TRPM1: variants seen among roughly 807,000 people sequenced by gnomAD.
TRPM1 encodes TRPM1-203 APA Isoform, Intron 10.
TRPM1 carries 113 observed loss-of-function variants against 149.4 expected under a neutral mutation model. The ratio of observed to expected loss-of-function variants is 0.76; its 90% CI spans 0.65 to 0.88. The LOEUF (loss-of-function observed/expected upper bound fraction) is 0.88. TRPM1 is among the 40% of genes least tolerant of loss of function. The pLI, the probability that TRPM1 is intolerant of heterozygous loss-of-function variation, is 0.00. For synonymous variants in TRPM1, 741 were observed against 759.5 expected (o/e 0.98, Z 0.40); for missense variants, 1,976 against 2,038.7 (o/e 0.97, Z 0.59).
chr15:31,024,954 G>A (rs1275922218), intron 27 of TRPM1, among the ~76,000 whole-genome samples: 1 of 152,172 alleles, frequency 6.6e-6, no homozygotes, highest in South Asian at 2.1e-4. Flanking sequence ...AGGTGACTGG[G>A]TCTAGGAGGG....
chr15:31,095,769 C>T lies in TRPM1; in HGVS notation c.-84+5888G>A, dbSNP rs962708754. On this transcript the variant is annotated intron_variant, in intron 1 of 27. Transcript: ENST00000256552. ...ACATAAAGAAAAGCCAGGGGCCAGGCGCAGTGGCTCACACCTGTAATCCCA... is the reference window on the plus strand; with the variant it reads ...ACATAAAGAAAAGCCAGGGGCCAGGTGCAGTGGCTCACACCTGTAATCCCA... Among the ~76,000 whole-genome samples, 9 of 151,492 alleles carry T rather than the reference C, an allele frequency of 5.9e-5. No individual in the cohort carries two copies. The South Asian group carries it at 6.2e-4, about 11-fold the overall frequency.
chr15:31,073,281 T>C (rs1391889391), intron 3 of TRPM1, among the ~76,000 whole-genome samples: 1 of 152,194 alleles, frequency 6.6e-6, no homozygotes, highest in Non-Finnish European at 1.5e-5. Flanking sequence ...CCATTGAAAG[T>C]ACTTTTCACC....
chr15:31,074,399 C>A (rs2034639796), intron 3 of TRPM1, among the ~76,000 whole-genome samples: 1 of 152,070 alleles, frequency 6.6e-6, no homozygotes, highest in South Asian at 2.1e-4. Flanking sequence ...TCAGATTGTA[C>A]ATTTTTTCTT....
chr15:31,032,735 C>A lies in TRPM1; in HGVS notation c.2906G>T (p.Gly969Val). ...FWYIRVLDIF[G>V]VNKYLGPYVM... The stretch of plus-strand genomic sequence containing the variant: ...GTATGGCCCCAGATACTTGTTGACA[C>A]CAAAGATGTCCAGGACACGGATGTA... The change falls in exon 22 of 28, where the codon GGT becomes GTT. Residue 969 changes from glycine (G) to valine (V), a missense_variant. Gly to Val is a moderately radical substitution (Grantham distance 109). Transcript: ENST00000256552. 1 of 1,614,140 alleles carries A rather than the reference C, an allele frequency of 6.2e-7. No homozygotes were observed. The highest frequency in any genetic ancestry group is 1.1e-5 in the South Asian group (1 of 91,072).
intron 1 of TRPM1, among the ~76,000 whole-genome samples, chr15:31,090,806 C>G (rs932812075): frequency 1.3e-5 from 2 of 151,966 alleles, no homozygotes; most frequent in Admixed American, 6.6e-5. Context: ...GGAAGGAGAA[C>G]TTGGGCTTTA....
chr15:31,126,090 CCG>C (rs1297884533), intron 1 of TRPM1, among the ~76,000 whole-genome samples: 3 of 152,218 alleles, frequency 2.0e-5, no homozygotes, highest in African/African-American at 7.2e-5. Context: ...CAAGATCACA[CCG>C]CTGCACTCCA....
intron 3 of TRPM1, among the ~76,000 whole-genome samples, chr15:31,075,862 G>C (rs776909206): frequency 1.3e-5 from 2 of 151,914 alleles, no homozygotes; most frequent in Non-Finnish European, 2.9e-5. Flanking sequence ...GGGTTTAAAC[G>C]GTTGGTTTTT....
intron 1 of TRPM1, among the ~76,000 whole-genome samples, chr15:31,149,998 G>A (rs934027730): frequency 6.6e-6 from 1 of 152,140 alleles, no homozygotes; most frequent in Non-Finnish European, 1.5e-5. Context: ...AGGCCTGGGC[G>A]GCAGAAGGAG....
At position 31,002,514 on chromosome 15, in the gene TRPM1, CT is replaced by C. The variant is rs1566981866; in HGVS notation, c.4185del (p.Glu1396LysfsTer8). ...TTTAAACTTGGGGAAATAGTTTCTT[CT>C]TTTTTAGAGTCTGTCTGTCTTTCAT... ...EDDERQTDSK[K>X]EETISPSLNK... On this transcript the variant is annotated frameshift_variant, in exon 28 of 28. Coordinates refer to ENST00000256552, the MANE Select transcript of TRPM1 (RefSeq NM_001252024.2). LOFTEE classifies it low-confidence loss of function (END_TRUNC). 6.2e-7 allele frequency: 1 copy of C among 1,614,060 alleles called. No individual in the cohort carries two copies. The highest frequency in any genetic ancestry group is 8.5e-7 in the Non-Finnish European group (1 of 1,180,012).
chr15:31,102,034 T>C (rs894743142), upstream of TRPM1, among the ~76,000 whole-genome samples: 25 of 152,184 alleles, frequency 1.6e-4, no homozygotes, highest in African/African-American at 5.8e-4. Flanking sequence ...ATTGAGACAA[T>C]TGGACATAAT....
intron 22 of TRPM1, 29 bp downstream of exon 22, chr15:31,032,660 C>A: frequency 6.2e-7 from 1 of 1,614,186 alleles, no homozygotes; most frequent in Non-Finnish European, 8.5e-7. Flanking sequence ...CAAAGTCTCT[C>A]TGGATACCCA....
intron 1 of TRPM1, among the ~76,000 whole-genome samples, chr15:31,137,366 T>C (rs573140892): frequency 6.6e-6 from 1 of 152,210 alleles, no homozygotes; most frequent in East Asian, 1.9e-4. Context: ...CCTGCCTTTT[T>C]CATGGACAAG....
chr15:31,137,821 G>A (rs2036109319), intron 1 of TRPM1, among the ~76,000 whole-genome samples: 1 of 152,068 alleles, frequency 6.6e-6, no homozygotes, highest in African/African-American at 2.4e-5. Flanking sequence ...CAAACTCCAG[G>A]AAATAATACT....
Position 31,050,473 on chromosome 15 carries a change from T to G in TRPM1, c.1373A>C (p.Lys458Thr). Residue 458 changes from lysine to threonine, a missense_variant, in exon 12 of 28, where the codon AAA becomes ACA. This residue lies in a region of TRPM1 where 1,332 missense variants were observed against 1,347.1 expected (regional missense o/e 0.99). Transcript: ENST00000256552. Reference sequence around the variant, plus strand: ...CTCCACTTCCTCTTTCACTTTCCCTTTCTTCTTGCCTTTCCCTTTTCCTCT... The same window carrying G: ...CTCCACTTCCTCTTTCACTTTCCCTGTCTTCTTGCCTTTCCCTTTTCCTCT... Reference protein sequence around the residue: ...GGRGKGKGKKKGKVKEEVEEE... With the variant: ...GGRGKGKGKKTGKVKEEVEEE... The G allele has an allele frequency of 1.2e-6, 2 of 1,614,104 alleles. No homozygotes were observed. Among genetic ancestry groups the G allele is most frequent in the Non-Finnish European group, 1.7e-6 (2 of 1,180,006 alleles).
chr15:31,040,081 TG>T lies in TRPM1; in HGVS notation c.2316+36del. ...AGCCTGGCAGAGAGTCACTTGTCAC[TG>T]TCACCCTGGCCCGCCTCGCAGCACG... On this transcript the variant is annotated intron_variant, in intron 18 of 27. Coordinates refer to ENST00000256552, the MANE Select transcript of TRPM1 (RefSeq NM_001252024.2). This position sits in a 1 kb window ranked among gnomAD's most constrained non-coding sequence, Gnocchi z 4.2. 6.3e-7 allele frequency: 1 copy of T among 1,590,878 alleles called. No homozygotes were observed. Among genetic ancestry groups the T allele is most frequent in the South Asian group, 1.1e-5 (1 of 90,624 alleles).
At chr15:31,047,340 G>T (rs2033805224) in intron 14 of TRPM1, 89 bp from the exon 15 acceptor site, 1 of 1,474,238 alleles carries the variant, frequency 6.8e-7, no homozygotes, top group Non-Finnish European at 9.4e-7. Flanking sequence ...GGCTGTCCTG[G>T]CCCCCACTTG....
Position 31,067,047 on chromosome 15 carries a change from C to A in TRPM1, c.618+16G>T. The stretch of plus-strand genomic sequence containing the variant: ...AATTTTAAAAAACTGCCAACATTTG[C>A]AGAGAAAACACTTACATCCTTTCCA... On this transcript the variant is annotated intron_variant, in intron 6 of 27. Transcript: ENST00000256552. 1 of 1,614,198 alleles carries A rather than the reference C, an allele frequency of 6.2e-7. No individual in the cohort carries two copies. The highest frequency in any genetic ancestry group is 1.1e-5 in the South Asian group (1 of 91,080).
chr15:31,118,812 G>C (rs2035837152), intron 1 of TRPM1, among the ~76,000 whole-genome samples: 1 of 152,120 alleles, frequency 6.6e-6, no homozygotes, highest in Non-Finnish European at 1.5e-5. Flanking sequence ...CATTCATGAA[G>C]GTTCTGTCTT....
intron 1 of TRPM1, among the ~76,000 whole-genome samples, chr15:31,088,696 T>C (rs1432889992): frequency 6.6e-6 from 1 of 151,962 alleles, no homozygotes; most frequent in Non-Finnish European, 1.5e-5. Context: ...CTTTTTGGGA[T>C]TTGGGGGCCG....
Sources: gnomAD v4.1 joint callset for allele counts (sites outside exome capture counted in the v4.1 genomes callset) on GRCh38, gnomAD v4.1.1 for gene constraint, gnomAD v4.1.1 regional missense constraint, Gnocchi (gnomAD v3.1) non-coding constraint, MANE v1.5 for transcripts, NCBI Gene and HGNC (gene_info 2026-07-23, HGNC 2026-07-21) for gene names.